MROH2B: variants seen among roughly 807,000 people sequenced by gnomAD.
MROH2B encodes the protein maestro heat like repeat family member 2B, also known as maestro heat-like repeat-containing protein family member 2B.
Under a neutral mutation model 208.6 loss-of-function variants are expected in MROH2B, and 177 were observed. The ratio of observed to expected loss-of-function variants is 0.85; its 90% CI spans 0.75 to 0.96. The LOEUF (loss-of-function observed/expected upper bound fraction) is 0.96, where lower values mean the gene tolerates loss of function less well. MROH2B is among the 40% of genes least tolerant of loss of function. MROH2B has a pLI of 0.00. For missense variants in MROH2B, 2,002 were observed against 1,878.7 expected, an observed-to-expected ratio of 1.07 and a Z score of -1.21; for synonymous variants, 728 against 659.0, an observed-to-expected ratio of 1.10 and a Z score of -1.60.
intron 19 of MROH2B, among the ~76,000 whole-genome samples, chr5:41,039,797 T>C (rs1030903736): frequency 2.0e-5 from 3 of 151,988 alleles, no homozygotes; most frequent in Non-Finnish European, 2.9e-5. Flanking sequence ...GTGTGCCAGA[T>C]GGTGATGAGT....
At chr5:41,057,211 T>TA in intron 8 of MROH2B, 33 bp from the exon 9 acceptor site, 2 of 1,612,940 alleles carry the variant, frequency 1.2e-6, no homozygotes, top group Non-Finnish European at 1.7e-6. Flanking sequence ...TGGTAGATGT[T>TA]AAACACAGAA....
At chr5:41,052,315 GTTA>G in intron 12 of MROH2B, 147 bp downstream of exon 12, 1 of 664,870 alleles carries the variant, frequency 1.5e-6, no homozygotes, top group Non-Finnish European at 2.1e-6. Flanking sequence ...TTGAATTCCA[GTTA>G]TTTTTAATTT....
intron 18 of MROH2B, among the ~76,000 whole-genome samples, chr5:41,044,626 G>A (rs896642529): frequency 1.4e-4 from 21 of 152,108 alleles, no homozygotes; most frequent in Admixed American, 8.5e-4. Context: ...AGCATTACTC[G>A]CCAAATTTTC....
chr5:41,019,114 C>A, intron 24 of MROH2B, 96 bp from the exon 25 acceptor site: 2 of 1,478,896 alleles, frequency 1.4e-6, no homozygotes, highest in Non-Finnish European at 1.8e-6. Context: ...TCTGACCAGG[C>A]AACTAACGTG....
rs1561290866 is a variant in MROH2B at position 41,032,834 on chromosome 5, T to C, written c.2362-13A>G. 1 of 1,606,612 alleles carries C rather than the reference T, an allele frequency of 6.2e-7. No individual in the cohort carries two copies. The highest frequency in any genetic ancestry group is 1.7e-5 in the Admixed American group (1 of 59,058). ...CTCTAATGAAGTCCTGAAACATAAA[T>C]AAGGAGATTAAATGTTTCAGAAAGG... On this transcript the variant is annotated splice_polypyrimidine_tract_variant and intron_variant, in intron 23 of 41. Transcript: ENST00000399564.
At chr5:41,023,614 A>G (rs972752719) in intron 24 of MROH2B, among the ~76,000 whole-genome samples, 1 of 152,214 alleles carries the variant, frequency 6.6e-6, no homozygotes, top group African/African-American at 2.4e-5. Context: ...ATTCTTCAGG[A>G]TATTATCTAG....
intron 18 of MROH2B, 123 bp downstream of exon 18, chr5:41,045,623 G>T: frequency 2.9e-6 from 2 of 682,656 alleles, no homozygotes; most frequent in Non-Finnish European, 4.8e-6. Context: ...TAAAAAGAGG[G>T]AACTCTTTTT....
At chr5:41,049,711 A>C (rs1390017643) in intron 13 of MROH2B, among the ~76,000 whole-genome samples, 1 of 152,134 alleles carries the variant, frequency 6.6e-6, no homozygotes, top group African/African-American at 2.4e-5. Context: ...TGCTCGAGAC[A>C]CTAGGGGAAT....
At chr5:41,043,793 CA>C (rs912716396) in intron 18 of MROH2B, among the ~76,000 whole-genome samples, 5 of 152,068 alleles carry the variant, frequency 3.3e-5, no homozygotes, top group Non-Finnish European at 5.9e-5. Context: ...TTGCTTTGGC[CA>C]ATAGAATGTG....
chr5:41,009,939 C>G lies in MROH2B; in HGVS notation c.3276G>C (p.Lys1092Asn). 6.2e-7 allele frequency: 1 copy of G among 1,613,602 alleles called. No homozygotes were observed. The highest frequency in any genetic ancestry group is 1.1e-5 in the South Asian group (1 of 91,018). ...MDTVVVNLLQ[K>N]PLPFDRDTKT... ...GGATCTACCTGTCAAAAGGCAGAGG[C>G]TTCTGTAAAAGGTTGACAACAACTG... The change falls in exon 31 of 42, where the codon AAG (lysine) becomes AAC (asparagine). Residue 1092 changes from lysine (K) to asparagine (N), a missense_variant. Coordinates refer to ENST00000399564, the MANE Select transcript of MROH2B (RefSeq NM_173489.5).
chr5:41,069,999 G>A (rs180739235), intron 1 of MROH2B, among the ~76,000 whole-genome samples: 8 of 152,224 alleles, frequency 5.3e-5, no homozygotes, highest in Non-Finnish European at 8.8e-5. Flanking sequence ...AAAAGATGCC[G>A]GATTCCTATG....
At chr5:41,049,689 GT>G (rs1743229276) in intron 13 of MROH2B, among the ~76,000 whole-genome samples, 1 of 152,176 alleles carries the variant, frequency 6.6e-6, no homozygotes, top group African/African-American at 2.4e-5. Flanking sequence ...ACAATTCTTT[GT>G]TGTGAGGGAC....
chr5:41,003,309 A>G (rs1215376837), intron 37 of MROH2B, among the ~76,000 whole-genome samples: 2 of 152,140 alleles, frequency 1.3e-5, no homozygotes, highest in Non-Finnish European at 2.9e-5. Context: ...ACAAGCAGAA[A>G]GATGTTTTCA....
Position 41,069,727 on chromosome 5 carries a change from A to C in MROH2B, c.54T>G (p.Thr18=). ...SIEMFGDINL[T]LGMLNKEDIV... ...TATCTTCCTTGTTCAGCATGCCAAG[A>C]GTGAGGTTAATATCCCCAAACATCT... is the stretch of plus-strand genomic sequence containing the variant. The change falls in exon 2 of 42, where the codon ACT becomes ACG. Residue 18 remains threonine, a synonymous_variant. Transcript: ENST00000399564. 1 of 1,607,730 alleles carries C rather than the reference A, an allele frequency of 6.2e-7. No individual in the cohort carries two copies. Among genetic ancestry groups the C allele is most frequent in the Non-Finnish European group, 8.5e-7 (1 of 1,176,378 alleles).
intron 6 of MROH2B, 160 bp from the exon 7 acceptor site, chr5:41,058,363 G>T: frequency 1.4e-6 from 1 of 714,656 alleles, no homozygotes; most frequent in South Asian, 3.4e-5. Flanking sequence ...AAATGTTCAG[G>T]TTAAGATCAT....
intron 24 of MROH2B, among the ~76,000 whole-genome samples, chr5:41,022,577 G>A (rs1171871010): frequency 8.5e-5 from 13 of 152,290 alleles, no homozygotes; most frequent in Admixed American, 4.6e-4. Flanking sequence ...GGAGCCCACC[G>A]CAGCTCAAGG....
chr5:41,064,106 C>G (rs1743723653), intron 5 of MROH2B, among the ~76,000 whole-genome samples: 1 of 152,094 alleles, frequency 6.6e-6, no homozygotes, highest in Non-Finnish European at 1.5e-5. Context: ...GGAGGTCAGT[C>G]GAAATGGAAG....
At chr5:41,025,611 G>T (rs1464557168) in intron 24 of MROH2B, among the ~76,000 whole-genome samples, 1 of 152,114 alleles carries the variant, frequency 6.6e-6, no homozygotes, top group Non-Finnish European at 1.5e-5. Context: ...GAGGTACAAG[G>T]AGGAGCCGGT....
At chr5:41,019,072 C>A in intron 24 of MROH2B, 54 bp from the exon 25 acceptor site, 1 of 1,601,318 alleles carries the variant, frequency 6.2e-7, no homozygotes, top group Non-Finnish European at 8.5e-7. Flanking sequence ...TCAGAACATA[C>A]CCAGTGGAAT....
Sources: gnomAD v4.1 joint callset for allele counts (sites outside exome capture counted in the v4.1 genomes callset) on GRCh38, gnomAD v4.1.1 for gene constraint, MANE v1.5 for transcripts, NCBI Gene and HGNC (gene_info 2026-07-23, HGNC 2026-07-21) for gene names.